BICD1: variants seen among roughly 807,000 people sequenced by gnomAD.
BICD1 encodes BICD cargo adaptor 1.
BICD1 carries 35 observed loss-of-function variants against 92.5 expected under a neutral mutation model. That is an observed-to-expected ratio of 0.38 (90% CI 0.29 to 0.50). The LOEUF (loss-of-function observed/expected upper bound fraction) is 0.50, where lower values mean the gene tolerates loss of function less well. Among genes scored for constraint, BICD1 ranks in the 20% least tolerant of loss-of-function variants. BICD1 has a pLI of 0.93. For missense variants in BICD1, 950 were observed against 1,189.8 expected (o/e 0.80, Z 2.97); for synonymous variants, 429 against 465.1 (o/e 0.92, Z 1.00).
intron 2 of BICD1, among the ~76,000 whole-genome samples, chr12:32,276,793 T>C (rs1447278413): frequency 6.6e-6 from 1 of 152,238 alleles, no homozygotes; most frequent in Non-Finnish European, 1.5e-5. Flanking sequence ...AAACTGCCTC[T>C]TTTCTAAAAA....
At chr12:32,161,239 G>A (rs1943592088) in intron 1 of BICD1, among the ~76,000 whole-genome samples, 1 of 152,144 alleles carries the variant, frequency 6.6e-6, no homozygotes, top group Admixed American at 6.5e-5. Flanking sequence ...TCTCCAGGCT[G>A]AAAGATGGCA....
intron 4 of BICD1, among the ~76,000 whole-genome samples, chr12:32,327,023 TG>T (rs1948793488): frequency 6.6e-6 from 1 of 152,200 alleles, no homozygotes; most frequent in Non-Finnish European, 1.5e-5. Flanking sequence ...GGTTGAGCTC[TG>T]GGAAGGAAAA....
At chr12:32,229,216 A>ACT (rs1025231655) in intron 2 of BICD1, among the ~76,000 whole-genome samples, 1 of 152,130 alleles carries the variant, frequency 6.6e-6, no homozygotes, top group African/African-American at 2.4e-5. Context: ...GTGCCACTGC[A>ACT]CTCCAGTCTT....
intron 8 of BICD1, among the ~76,000 whole-genome samples, chr12:32,363,264 A>T (rs148973081): frequency 2.0e-5 from 3 of 152,270 alleles, no homozygotes; most frequent in Admixed American, 6.5e-5. Context: ...AGGCATTAGT[A>T]ATCTCTTGAG....
intron 1 of BICD1, among the ~76,000 whole-genome samples, chr12:32,154,670 C>T (rs1305688735): frequency 6.6e-6 from 1 of 152,190 alleles, no homozygotes; most frequent in African/African-American, 2.4e-5. Flanking sequence ...TTCTTTCCTT[C>T]CAAATTCCTG....
chr12:32,188,654 C>G (rs1944483910), intron 1 of BICD1, among the ~76,000 whole-genome samples: 1 of 151,970 alleles, frequency 6.6e-6, no homozygotes, highest in South Asian at 2.1e-4. Context: ...CCTAAGTGTT[C>G]TTTGTTCACT....
intron 1 of BICD1, among the ~76,000 whole-genome samples, chr12:32,128,754 C>A (rs1942431914): frequency 1.3e-5 from 1 of 77,100 alleles, no homozygotes; most frequent in African/African-American, 4.8e-5. Context: ...ACTTTAGAAT[C>A]TTTTAAAACT....
At chr12:32,297,136 C>T (rs1947897120) in intron 3 of BICD1, among the ~76,000 whole-genome samples, 2 of 152,230 alleles carry the variant, frequency 1.3e-5, no homozygotes. Flanking sequence ...TGTTTGTTTC[C>T]AGTAGTAACT....
At chr12:32,221,080 T>C (rs947061207) in intron 2 of BICD1, among the ~76,000 whole-genome samples, 115 of 117,588 alleles carry the variant, frequency 9.8e-4, no homozygotes, top group Non-Finnish European at 1.4e-3. Flanking sequence ...AACATCACAC[T>C]CTGGGGACTG....
chr12:32,306,932 ACT>A (rs1948245516), intron 4 of BICD1, among the ~76,000 whole-genome samples: 2 of 151,870 alleles, frequency 1.3e-5, no homozygotes, highest in South Asian at 4.2e-4. Context: ...CAGGAGAATC[ACT>A]TGAACCCGGG....
At chr12:32,151,372 A>G (rs1943281418) in intron 1 of BICD1, among the ~76,000 whole-genome samples, 1 of 152,022 alleles carries the variant, frequency 6.6e-6, no homozygotes, top group Non-Finnish European at 1.5e-5. Context: ...CTGCCTTCCT[A>G]CTCACCAGGT....
chr12:32,235,278 G>A (rs577639472), intron 2 of BICD1, among the ~76,000 whole-genome samples: 32 of 152,238 alleles, frequency 2.1e-4, no homozygotes, highest in African/African-American at 7.5e-4. Flanking sequence ...TAGAATGAAG[G>A]ATGTAAAATA....
intron 1 of BICD1, 74 bp downstream of exon 1, chr12:32,107,618 G>A (rs1437848557): frequency 1.4e-6 from 2 of 1,440,784 alleles, no homozygotes; most frequent in Non-Finnish European, 1.9e-6. Flanking sequence ...TCATGATCAA[G>A]AAGTCATAAA....
At chr12:32,145,454 G>A (rs1417019978) in intron 1 of BICD1, among the ~76,000 whole-genome samples, 1 of 152,158 alleles carries the variant, frequency 6.6e-6, no homozygotes, top group Non-Finnish European at 1.5e-5. Context: ...CAGGTACTAT[G>A]TTCAGCCCAG....
At chr12:32,286,728 AT>A (rs201253606) in intron 2 of BICD1, among the ~76,000 whole-genome samples, 1 of 152,128 alleles carries the variant, frequency 6.6e-6, no homozygotes, top group Non-Finnish European at 1.5e-5. Flanking sequence ...TGTAATATAT[AT>A]TTTTTGGGGG....
rs138068616 is a variant in BICD1, at chr12:32,376,761, G to A, written c.2841-779G>A. Among the ~76,000 whole-genome samples, 213 of 151,550 alleles carry A rather than the reference G, an allele frequency of 1.4e-3. 2 individuals carry two copies. The highest frequency in any genetic ancestry group is 4.8e-3 in the African/African-American group (198 of 41,346). On this transcript the variant is annotated intron_variant, in intron 9 of 9. Coordinates refer to ENST00000652176, the MANE Select transcript of BICD1 (RefSeq NM_001714.4). Reference sequence around the variant, plus strand: ...TGCATGCATGTAATCCCAGCTGCTCGGGAGGCTGAGGCAGGAGAATCGCTT... The same window carrying A: ...TGCATGCATGTAATCCCAGCTGCTCAGGAGGCTGAGGCAGGAGAATCGCTT...
At chr12:32,149,740 G>A (rs991413089) in intron 1 of BICD1, among the ~76,000 whole-genome samples, 1 of 152,192 alleles carries the variant, frequency 6.6e-6, no homozygotes, top group Non-Finnish European at 1.5e-5. Context: ...AGCAGATTCA[G>A]TGTCTGGTGG....
intron 1 of BICD1, among the ~76,000 whole-genome samples, chr12:32,208,792 A>T (rs1180890307): frequency 6.6e-6 from 1 of 152,030 alleles, no homozygotes; most frequent in African/African-American, 2.4e-5. Flanking sequence ...GTGCTTCATC[A>T]GATCATTTGG....
intron 1 of BICD1, among the ~76,000 whole-genome samples, chr12:32,192,453 A>AATAAATAAATAAATAG (rs150682949): frequency 6.7e-6 from 1 of 149,068 alleles, no homozygotes; most frequent in African/African-American, 2.5e-5. Context: ...TAAATAAATA[A>AATAAATAAATAAATAG]ATAGATAGAT....
Sources: allele counts gnomAD v4.1 joint callset (sites outside exome capture counted in the v4.1 genomes callset), GRCh38; gene constraint gnomAD v4.1.1; transcripts MANE v1.5; gene names NCBI Gene and HGNC (gene_info 2026-07-23, HGNC 2026-07-21).